Variants in TIAM1 observed in about 807,000 individuals in gnomAD.
TIAM1 encodes the protein rho guanine nucleotide exchange factor TIAM1.
In TIAM1, 65 loss-of-function variants were observed where a neutral mutation model predicts 163.5. The observed-to-expected ratio is 0.40, with a 90% CI of 0.33 to 0.49. The LOEUF (loss-of-function observed/expected upper bound fraction) is 0.49, where lower values mean the gene tolerates loss of function less well. TIAM1 is among the 20% of genes least tolerant of loss of function. The probability of loss-of-function intolerance (pLI) is 0.77; values close to 1 mark genes in which losing one functional copy is unlikely to be tolerated. For synonymous variants in TIAM1, 833 were observed against 810.1 expected, an observed-to-expected ratio of 1.03 and a Z score of -0.48; for missense variants, 1,789 against 2,044.7, an observed-to-expected ratio of 0.87 and a Z score of 2.41.
At chr21:31,422,835 C>T (rs180907019) in intron 2 of TIAM1, among the ~76,000 whole-genome samples, 2 of 152,296 alleles carry the variant, frequency 1.3e-5, no homozygotes, top group East Asian at 1.9e-4. Flanking sequence ...CTTCCAAAAT[C>T]CCAATTAAGC....
intron 2 of TIAM1, among the ~76,000 whole-genome samples, chr21:31,424,216 C>CTTAA (rs2043700903): frequency 1.3e-5 from 2 of 152,130 alleles, no homozygotes; most frequent in South Asian, 4.2e-4. Flanking sequence ...GTAACTAGAG[C>CTTAA]TTAAATGCTT....
At chr21:31,220,254 G>A (rs914352278) in intron 8 of TIAM1, among the ~76,000 whole-genome samples, 1 of 152,192 alleles carries the variant, frequency 6.6e-6, no homozygotes, top group Non-Finnish European at 1.5e-5. Flanking sequence ...AAGAATATAA[G>A]CTTCAAGAGG....
chr21:31,155,826 C>T (rs961601489), intron 16 of TIAM1, among the ~76,000 whole-genome samples: 1 of 152,184 alleles, frequency 6.6e-6, no homozygotes, highest in African/African-American at 2.4e-5. Flanking sequence ...AAGCTAGTGG[C>T]TGTCCTTCTC....
intron 2 of TIAM1, among the ~76,000 whole-genome samples, chr21:31,388,258 CAA>C (rs1569288122): frequency 1.8e-5 from 1 of 54,198 alleles, no homozygotes; most frequent in Non-Finnish European, 4.0e-5. Flanking sequence ...CACACACACA[CAA>C]CCTCTTACGT....
intron 2 of TIAM1, among the ~76,000 whole-genome samples, chr21:31,331,169 C>T (rs756414466): frequency 6.6e-5 from 10 of 152,020 alleles, no homozygotes; most frequent in Non-Finnish European, 1.2e-4. Flanking sequence ...AAGTAGTCAA[C>T]GAAGATGATG....
At position 31,354,471 on chromosome 21, in the gene TIAM1, C is replaced by A. The variant is rs147425887; in HGVS notation, c.-368-15049G>T. Among the ~76,000 whole-genome samples, 669 of 152,200 alleles carry A rather than the reference C, an allele frequency of 4.4e-3. 3 individuals carry two copies. The highest frequency in any genetic ancestry group is 0.015 in the African/African-American group (634 of 41,508). On this transcript the variant is annotated intron_variant, in intron 2 of 28. Transcript: ENST00000286827. The stretch of plus-strand genomic sequence containing the variant: ...CACAGAACCAAGGACCCCCCCTCCA[C>A]ACCCCCACCACACGAAGAGGCAAGT...
At chr21:31,238,628 T>C (rs146454104) in intron 6 of TIAM1, among the ~76,000 whole-genome samples, 13 of 152,324 alleles carry the variant, frequency 8.5e-5, no homozygotes, top group Admixed American at 3.9e-4. Context: ...CATCTGAGAA[T>C]CATCTAACCT....
At chr21:31,361,717 C>T (rs565745035) in intron 2 of TIAM1, among the ~76,000 whole-genome samples, 6 of 152,178 alleles carry the variant, frequency 3.9e-5, no homozygotes, top group African/African-American at 1.4e-4. Flanking sequence ...CAATGAGTAA[C>T]ACATTTAATG....
chr21:31,370,263 A>T (rs1009306822), intron 2 of TIAM1, among the ~76,000 whole-genome samples: 2 of 152,266 alleles, frequency 1.3e-5, no homozygotes, highest in Admixed American at 1.3e-4. Context: ...CTGTTAAAAA[A>T]TTATGAGACA....
intron 1 of TIAM1, among the ~76,000 whole-genome samples, chr21:31,557,394 G>A (rs1282860464): frequency 6.6e-6 from 1 of 152,150 alleles, no homozygotes; most frequent in Non-Finnish European, 1.5e-5. Flanking sequence ...ATACGTGGCT[G>A]TCACTGTGCT....
At chr21:31,476,452 C>T (rs570655223) in intron 1 of TIAM1, among the ~76,000 whole-genome samples, 4 of 152,318 alleles carry the variant, frequency 2.6e-5, no homozygotes, top group South Asian at 2.1e-4. Flanking sequence ...CTTGAAAGAA[C>T]GATCTGGGTT....
intron 5 of TIAM1, among the ~76,000 whole-genome samples, chr21:31,248,452 G>C (rs188821332): frequency 6.6e-6 from 1 of 152,138 alleles, no homozygotes; most frequent in African/African-American, 2.4e-5. Flanking sequence ...TGAGAACCAC[G>C]TTCTCCCTGG....
At chr21:31,530,782 A>G (rs1475024531) in intron 1 of TIAM1, among the ~76,000 whole-genome samples, 1 of 152,146 alleles carries the variant, frequency 6.6e-6, no homozygotes, top group Admixed American at 6.6e-5. Context: ...GTGGGCAGGC[A>G]ATGTTTCTGG....
chr21:31,471,532 G>GT (rs1190462067), intron 1 of TIAM1, among the ~76,000 whole-genome samples: 3 of 152,160 alleles, frequency 2.0e-5, no homozygotes, highest in Non-Finnish European at 1.5e-5. Flanking sequence ...GACAAGGGAG[G>GT]TTGATGGAAT....
intron 2 of TIAM1, among the ~76,000 whole-genome samples, chr21:31,438,500 A>T (rs1005247499): frequency 3.9e-5 from 6 of 152,120 alleles, no homozygotes; most frequent in Non-Finnish European, 8.8e-5. Context: ...CATATTTGTG[A>T]TCTTTTCCAT....
At chr21:31,210,814 G>GAAAGAAAGAAAGAAAGA (rs147674572) in intron 10 of TIAM1, among the ~76,000 whole-genome samples, 15 of 147,616 alleles carry the variant, frequency 1.0e-4, no homozygotes, top group African/African-American at 3.4e-4. Flanking sequence ...AAGAAAGAAA[G>GAAAGAAAGAAAGAAAGA]GTCACCATTC....
rs115623192 is a variant in TIAM1, at chr21:31,432,390, C to A, written c.-369+31593G>T. On this transcript the variant is annotated intron_variant, in intron 2 of 28. Transcript: ENST00000286827. ...CTGGGATTACAGGCGTGAGCCACCA[C>A]GCCCTGCCCTTCCATACTCTTTATT... Among the ~76,000 whole-genome samples, 581 of 152,292 alleles carry A rather than the reference C, an allele frequency of 3.8e-3. 3 individuals are homozygous for A. Among genetic ancestry groups the A allele is most frequent in the African/African-American group, 0.013 (556 of 41,572 alleles).
chr21:31,437,023 AT>A (rs1485831123), intron 2 of TIAM1, among the ~76,000 whole-genome samples: 38 of 152,298 alleles, frequency 2.5e-4, no homozygotes, highest in African/African-American at 8.7e-4. Context: ...AAACTCTGAA[AT>A]ATTTACATTT....
At chr21:31,164,668 A>G (rs2084121219) in intron 16 of TIAM1, among the ~76,000 whole-genome samples, 1 of 152,192 alleles carries the variant, frequency 6.6e-6, no homozygotes, top group Non-Finnish European at 1.5e-5. Flanking sequence ...ATGAAGATGT[A>G]ATAGGGAAAT....
Sources: allele counts gnomAD v4.1 joint callset (sites outside exome capture counted in the v4.1 genomes callset), GRCh38; gene constraint gnomAD v4.1.1; transcripts MANE v1.5; gene names NCBI Gene and HGNC (gene_info 2026-07-23, HGNC 2026-07-21).